PDLIM1: variants seen among roughly 807,000 people sequenced by gnomAD.
The protein encoded by PDLIM1 is PDZ and LIM domain protein 1.
Under a neutral mutation model 35.2 loss-of-function variants are expected in PDLIM1, and 25 were observed. That is an observed-to-expected ratio of 0.71 (90% CI 0.52 to 0.99). PDLIM1 has a LOEUF of 0.99. Ranked by LOEUF, PDLIM1 falls within the 50% of genes least tolerant of loss-of-function variation. The probability of loss-of-function intolerance (pLI) is 0.00; values close to 1 mark genes in which losing one functional copy is unlikely to be tolerated. For missense variants in PDLIM1, 363 were observed against 415.3 expected, an observed-to-expected ratio of 0.87 and a Z score of 1.09; for synonymous variants, 152 against 154.0, an observed-to-expected ratio of 0.99 and a Z score of 0.10.
intron 1 of PDLIM1, among the ~76,000 whole-genome samples, chr10:95,280,732 G>C (rs1207802479): frequency 6.6e-6 from 1 of 152,084 alleles, no homozygotes; most frequent in African/African-American, 2.4e-5. Flanking sequence ...TGTCTATTCA[G>C]AAGGCTTATT....
chr10:95,267,528 T>C (rs950025692), intron 3 of PDLIM1, among the ~76,000 whole-genome samples: 14 of 152,230 alleles, frequency 9.2e-5, no homozygotes, highest in Non-Finnish European at 1.8e-4. Flanking sequence ...TAGAAGAATA[T>C]GTTCACATCA....
intron 2 of PDLIM1, among the ~76,000 whole-genome samples, chr10:95,269,892 T>A (rs1404712069): frequency 6.6e-6 from 1 of 151,988 alleles, no homozygotes; most frequent in Non-Finnish European, 1.5e-5. Flanking sequence ...CCTGCCATCA[T>A]CCCTAGCTAA....
intron 4 of PDLIM1, among the ~76,000 whole-genome samples, chr10:95,259,595 G>A (rs996903341): frequency 3.0e-4 from 46 of 152,228 alleles, no homozygotes; most frequent in African/African-American, 9.4e-4. Flanking sequence ...ACCAGGAGAA[G>A]AGAGAGGAAT....
chr10:95,275,891 G>GT (rs35419023), intron 1 of PDLIM1, among the ~76,000 whole-genome samples: 13,975 of 149,066 alleles, frequency 0.094, 814 homozygotes, highest in Middle Eastern at 0.17. Context: ...TAATTTCTTT[G>GT]TTTTTTTTTT....
At chr10:95,245,813 G>C (rs2035214379) in intron 5 of PDLIM1, among the ~76,000 whole-genome samples, 1 of 152,170 alleles carries the variant, frequency 6.6e-6, no homozygotes, top group Non-Finnish European at 1.5e-5. Flanking sequence ...TCTCTCTAAA[G>C]AAATCACACA....
intron 1 of PDLIM1, among the ~76,000 whole-genome samples, chr10:95,284,354 T>C (rs1167202608): frequency 6.6e-6 from 1 of 152,084 alleles, no homozygotes; most frequent in Non-Finnish European, 1.5e-5. Flanking sequence ...AATCTATCTG[T>C]ATGCATTTTT....
In PDLIM1 at chr10:95,238,686, C is replaced by A; in HGVS notation, c.686-1G>T. The stretch of plus-strand genomic sequence containing the variant: ...AATCCTGAGGGCTTGTTGGGATCCC[C>A]TGAAATGAGGAAAACACTGTCATTG... On this transcript the variant is annotated splice_acceptor_variant, in intron 5 of 6. Coordinates refer to ENST00000329399, the MANE Select transcript of PDLIM1 (RefSeq NM_020992.4). LOFTEE classifies it high-confidence loss of function. 2 of 1,596,712 alleles carry A rather than the reference C, an allele frequency of 1.3e-6. No homozygotes were observed.
chr10:95,289,431 T>C (rs1231594838), intron 1 of PDLIM1, among the ~76,000 whole-genome samples: 2 of 152,142 alleles, frequency 1.3e-5, no homozygotes, highest in Non-Finnish European at 2.9e-5. Flanking sequence ...GAGGTCTCTG[T>C]GGGACGAGGC....
At chr10:95,251,989 A>G (rs2035272101) in intron 4 of PDLIM1, among the ~76,000 whole-genome samples, 1 of 152,182 alleles carries the variant, frequency 6.6e-6, no homozygotes, top group South Asian at 2.1e-4. Context: ...GCTGTATCTG[A>G]CCAAATAACC....
At chr10:95,276,944 G>A (rs1265488871) in intron 1 of PDLIM1, among the ~76,000 whole-genome samples, 1 of 149,398 alleles carries the variant, frequency 6.7e-6, no homozygotes, top group East Asian at 2.0e-4. Flanking sequence ...CAGGCATGGT[G>A]GCTTACGCCT....
At chr10:95,273,254 C>T (rs2035480272) in intron 1 of PDLIM1, 1 of 152,294 alleles carries the variant, frequency 6.6e-6, no homozygotes, top group African/African-American at 2.4e-5. Context: ...TTGGAGAAGG[C>T]CCTTGACTCT....
chr10:95,283,981 C>CTGTGTG (rs3979535), intron 1 of PDLIM1, among the ~76,000 whole-genome samples: 32 of 150,320 alleles, frequency 2.1e-4, no homozygotes, highest in South Asian at 6.4e-4. Flanking sequence ...GCCTTTTTCT[C>CTGTGTG]TGTGTGTGTG....
chr10:95,266,630 C>G (rs983018058), intron 3 of PDLIM1, among the ~76,000 whole-genome samples: 1 of 152,092 alleles, frequency 6.6e-6, no homozygotes, highest in Non-Finnish European at 1.5e-5. Context: ...GTGCCTGGCT[C>G]GTGGCACATA....
In PDLIM1 at chr10:95,237,982, G is replaced by T; in HGVS notation, c.933C>A (p.Ala311=). The change falls in exon 7 of 7, where the codon GCC becomes GCA. Residue 311 remains alanine (A), a synonymous_variant. Coordinates refer to ENST00000329399, the MANE Select transcript of PDLIM1 (RefSeq NM_020992.4). ...CCTCAGGTGGTGTGACTCGCTCCCGGGCATGCTTCTCACAGTAGATTTGAT... is the reference window on the plus strand; with the variant it reads ...CCTCAGGTGGTGTGACTCGCTCCCGTGCATGCTTCTCACAGTAGATTTGAT... ...VEDQIYCEKH[A]RERVTPPEGY... is the part of the protein sequence containing the mutation. 6.2e-7 allele frequency: 1 copy of T among 1,614,152 alleles called. No homozygotes were observed. The highest frequency in any genetic ancestry group is 8.5e-7 in the Non-Finnish European group (1 of 1,180,020).
chr10:95,254,860 C>T (rs2035296833), intron 4 of PDLIM1, among the ~76,000 whole-genome samples: 1 of 152,052 alleles, frequency 6.6e-6, no homozygotes, highest in Non-Finnish European at 1.5e-5. Flanking sequence ...GCAGAGGTTG[C>T]AGTGAGCCAC....
chr10:95,243,844 G>A (rs2035197515), intron 5 of PDLIM1, among the ~76,000 whole-genome samples: 1 of 152,100 alleles, frequency 6.6e-6, no homozygotes, highest in Non-Finnish European at 1.5e-5. Context: ...AGTGAACTAA[G>A]CCAGGACCAA....
chr10:95,274,354 C>T (rs1275598830), intron 1 of PDLIM1, among the ~76,000 whole-genome samples: 1 of 144,512 alleles, frequency 6.9e-6, no homozygotes, highest in Non-Finnish European at 1.5e-5. Context: ...TGTACAGTGG[C>T]GCAGTCTCGG....
chr10:95,282,702 G>C (rs1022438720), intron 1 of PDLIM1, among the ~76,000 whole-genome samples: 1 of 152,242 alleles, frequency 6.6e-6, no homozygotes, highest in Non-Finnish European at 1.5e-5. Flanking sequence ...CACTTTGGGA[G>C]GCCGAGATGG....
At chr10:95,268,746 G>A in intron 3 of PDLIM1, 32 bp downstream of exon 3, 1 of 1,394,638 alleles carries the variant, frequency 7.2e-7, no homozygotes, top group Non-Finnish European at 1.0e-6. Context: ...GCTGGGTGGT[G>A]AGAGCAGCGG....
Sources: allele counts gnomAD v4.1 joint callset (sites outside exome capture counted in the v4.1 genomes callset), GRCh38; gene constraint gnomAD v4.1.1; transcripts MANE v1.5; gene names NCBI Gene and HGNC (gene_info 2026-07-23, HGNC 2026-07-21).